Variants in PELI2 observed in about 807,000 individuals in gnomAD.
PELI2 encodes pellino E3 ubiquitin protein ligase family member 2.
PELI2 carries 23 observed loss-of-function variants against 42.3 expected under a neutral mutation model. The observed-to-expected ratio is 0.54, with a 90% confidence interval of 0.39 to 0.77. PELI2 has a LOEUF of 0.77. Among genes scored for constraint, PELI2 ranks in the 30% least tolerant of loss-of-function variants. PELI2 has a pLI of 0.00. For missense variants in PELI2, 463 were observed against 553.2 expected, an observed-to-expected ratio of 0.84 and a Z score of 1.64; for synonymous variants, 245 against 212.2, an observed-to-expected ratio of 1.15 and a Z score of -1.34.
Position 56,227,699 on chromosome 14 carries a change from C to T in PELI2, c.207+49235C>T, listed in dbSNP as rs1348693684. ...GTAAGTACAGCGGACATCCAGATCTCGGTTTCTATATATCATTCTGCCCAG... is the reference window on the plus strand; with the variant it reads ...GTAAGTACAGCGGACATCCAGATCTTGGTTTCTATATATCATTCTGCCCAG... On this transcript the variant is annotated intron_variant, in intron 2 of 5. Transcript: ENST00000267460. Among the ~76,000 whole-genome samples, 5 of 152,212 alleles carry T rather than the reference C, an allele frequency of 3.3e-5. No homozygotes were observed. The South Asian group carries it at 8.3e-4, about 25-fold the overall frequency.
At chr14:56,266,125 A>T (rs906174223) in intron 2 of PELI2, among the ~76,000 whole-genome samples, 18 of 152,088 alleles carry the variant, frequency 1.2e-4, no homozygotes, top group Admixed American at 1.0e-3. Flanking sequence ...CATTTGGGTA[A>T]TATTTCTAAA....
intron 2 of PELI2, among the ~76,000 whole-genome samples, chr14:56,179,049 A>G (rs1445173156): frequency 2.0e-5 from 3 of 152,152 alleles, no homozygotes; most frequent in Non-Finnish European, 4.4e-5. Context: ...TTTTCTCATA[A>G]TTTTGAAGTG....
At chr14:56,245,534 G>A (rs1170364447) in intron 2 of PELI2, among the ~76,000 whole-genome samples, 1 of 152,104 alleles carries the variant, frequency 6.6e-6, no homozygotes, top group African/African-American at 2.4e-5. Flanking sequence ...GGCAAAATTT[G>A]GAATATATGC....
intron 2 of PELI2, among the ~76,000 whole-genome samples, chr14:56,186,596 G>T (rs1205222374): frequency 5.3e-5 from 8 of 152,186 alleles, no homozygotes; most frequent in Non-Finnish European, 8.8e-5. Flanking sequence ...CGTGGTGGGG[G>T]AAATGAAAGG....
At chr14:56,293,122 G>A (rs1412340038) in intron 5 of PELI2, among the ~76,000 whole-genome samples, 2 of 152,214 alleles carry the variant, frequency 1.3e-5, no homozygotes, top group Middle Eastern at 3.4e-3. Flanking sequence ...TATTGTGTCC[G>A]TCTACAGATG....
At chr14:56,211,799 G>C (rs550543884) in intron 2 of PELI2, among the ~76,000 whole-genome samples, 1 of 126,848 alleles carries the variant, frequency 7.9e-6, no homozygotes, top group Non-Finnish European at 1.8e-5. Flanking sequence ...TATTTAAAAG[G>C]CTCTTTTTTT....
At chr14:56,239,367 C>A (rs866009267) in intron 2 of PELI2, among the ~76,000 whole-genome samples, 2 of 152,148 alleles carry the variant, frequency 1.3e-5, no homozygotes, top group African/African-American at 4.8e-5. Context: ...CCTGGACTTT[C>A]CAAGAGAATG....
intron 2 of PELI2, among the ~76,000 whole-genome samples, chr14:56,270,178 G>A (rs958404900): frequency 6.6e-6 from 1 of 152,140 alleles, no homozygotes; most frequent in African/African-American, 2.4e-5. Flanking sequence ...CGAGTTCAAC[G>A]CTATTGCCTC....
intron 1 of PELI2, chr14:56,119,939 G>T (rs1202662237): frequency 4.9e-6 from 3 of 613,264 alleles, no homozygotes; most frequent in African/African-American, 2.0e-5. Context: ...TTTGATAAGT[G>T]AGTGCCTTGA....
Position 56,244,131 on chromosome 14 carries a change from G to C in PELI2, c.208-35545G>C, listed in dbSNP as rs573913442. Among the ~76,000 whole-genome samples the C allele has an allele frequency of 7.4e-4, 113 of 152,112 alleles. 1 individual carries two copies. The highest frequency in any genetic ancestry group is 1.3e-3 in the Non-Finnish European group (87 of 67,998). ...GAAACTGATGAATTTTGTTACTAAG[G>C]GCCCAGAATATAGAACAAAACCTCA... On this transcript the variant is annotated intron_variant, in intron 2 of 5. Transcript: ENST00000267460.
intron 2 of PELI2, among the ~76,000 whole-genome samples, chr14:56,255,582 A>G (rs1388506286): frequency 6.6e-6 from 1 of 152,208 alleles, no homozygotes; most frequent in Non-Finnish European, 1.5e-5. Context: ...ATGTATGCCT[A>G]TGTAACAAAC....
intron 2 of PELI2, among the ~76,000 whole-genome samples, chr14:56,245,291 T>TA (rs1184605674): frequency 4.6e-5 from 7 of 152,184 alleles, no homozygotes; most frequent in Non-Finnish European, 7.4e-5. Context: ...AATGAAAATA[T>TA]ATTAATTAAT....
chr14:56,251,870 C>A (rs1888356071), intron 2 of PELI2, among the ~76,000 whole-genome samples: 1 of 152,100 alleles, frequency 6.6e-6, no homozygotes, highest in African/African-American at 2.4e-5. Flanking sequence ...TTTAGCTATT[C>A]AATTTGTATT....
chr14:56,218,289 T>G (rs1360124696), intron 2 of PELI2, among the ~76,000 whole-genome samples: 1 of 152,262 alleles, frequency 6.6e-6, no homozygotes, highest in Non-Finnish European at 1.5e-5. Context: ...GAATTTTTTT[T>G]GTCTGTTCTG....
At chr14:56,154,519 C>T (rs1401211656) in intron 1 of PELI2, among the ~76,000 whole-genome samples, 3 of 152,188 alleles carry the variant, frequency 2.0e-5, no homozygotes, top group Non-Finnish European at 1.5e-5. Context: ...GAAGAAGGTC[C>T]TTGCTTCCCT....
intron 2 of PELI2, among the ~76,000 whole-genome samples, chr14:56,259,568 C>T (rs1888643980): frequency 6.6e-6 from 1 of 152,088 alleles, no homozygotes; most frequent in South Asian, 2.1e-4. Flanking sequence ...TATGCATGCA[C>T]AGAAAGTACT....
intron 2 of PELI2, among the ~76,000 whole-genome samples, chr14:56,232,071 C>A (rs36187322): frequency 0.4 from 61,264 of 151,868 alleles, 13,071 homozygotes; most frequent in South Asian, 0.53. Flanking sequence ...AGAAGTTGAA[C>A]CCCTGGATAG....
At chr14:56,258,147 A>G (rs1888584445) in intron 2 of PELI2, among the ~76,000 whole-genome samples, 1 of 152,206 alleles carries the variant, frequency 6.6e-6, no homozygotes, top group Non-Finnish European at 1.5e-5. Context: ...TCACCTTAGT[A>G]ATGAGGATAA....
intron 3 of PELI2, among the ~76,000 whole-genome samples, chr14:56,287,152 G>A (rs1428012784): frequency 6.6e-6 from 1 of 152,174 alleles, no homozygotes; most frequent in Non-Finnish European, 1.5e-5. Flanking sequence ...CAAATCTTGT[G>A]ACAGTGACTG....
Sources: gnomAD v4.1 joint callset for allele counts (sites outside exome capture counted in the v4.1 genomes callset) on GRCh38, gnomAD v4.1.1 for gene constraint, MANE v1.5 for transcripts, NCBI Gene and HGNC (gene_info 2026-07-23, HGNC 2026-07-21) for gene names.